Variants in GPATCH1 observed in about 807,000 individuals in gnomAD.
The protein encoded by GPATCH1 is G-patch domain containing 1, also known as G patch domain-containing protein 1.
Under a neutral mutation model 114.9 loss-of-function variants are expected in GPATCH1, and 73 were observed. That is an observed-to-expected ratio of 0.64 (90% CI 0.53 to 0.77). GPATCH1 has a LOEUF of 0.77. Among genes scored for constraint, GPATCH1 ranks in the 30% least tolerant of loss-of-function variants. The pLI, the probability that GPATCH1 is intolerant of heterozygous loss-of-function variation, is 0.00. For missense variants in GPATCH1, 1,058 were observed against 1,144.3 expected (o/e 0.92, Z 1.09); for synonymous variants, 391 against 428.4 (o/e 0.91, Z 1.08).
chr19:33,118,805 G>A (rs1440470494), intron 16 of GPATCH1, among the ~76,000 whole-genome samples: 2 of 152,194 alleles, frequency 1.3e-5, no homozygotes, highest in African/African-American at 4.8e-5. Flanking sequence ...TTGGTTGCAG[G>A]TGCCCTCGTG....
intron 1 of GPATCH1, among the ~76,000 whole-genome samples, chr19:33,083,380 C>T (rs1052583761): frequency 6.6e-6 from 1 of 151,200 alleles, no homozygotes; most frequent in Admixed American, 6.6e-5. Flanking sequence ...CTACGCCTGG[C>T]CCCAACCATG....
chr19:33,083,538 G>A (rs1972503381), intron 1 of GPATCH1, among the ~76,000 whole-genome samples: 1 of 151,518 alleles, frequency 6.6e-6, no homozygotes. Flanking sequence ...GGGATTATAG[G>A]TACATTCCAC....
intron 19 of GPATCH1, among the ~76,000 whole-genome samples, 199 bp downstream of exon 19, chr19:33,126,932 C>T (rs940262616): frequency 4.0e-5 from 6 of 151,832 alleles, no homozygotes; most frequent in African/African-American, 1.2e-4. Flanking sequence ...GCCTGGGCAA[C>T]ATAGTGAGAC....
chr19:33,116,606 T>C (rs1374544965), intron 15 of GPATCH1, among the ~76,000 whole-genome samples: 2 of 152,196 alleles, frequency 1.3e-5, no homozygotes. Flanking sequence ...CTCAGCTCAC[T>C]GCAAGCTCCA....
intron 15 of GPATCH1, among the ~76,000 whole-genome samples, chr19:33,114,797 C>CTTTTTTTTT (rs546074419): frequency 8.0e-5 from 7 of 87,202 alleles, no homozygotes; most frequent in South Asian, 4.5e-4. Context: ...CTATTTCTCT[C>CTTTTTTTTT]TTTTTTTTTT....
At chr19:33,090,688 G>A in intron 2 of GPATCH1, 92 bp from the exon 3 acceptor site, 1 of 746,438 alleles carries the variant, frequency 1.3e-6, no homozygotes. Context: ...ATAGTTATTG[G>A]GAATTTCAAG....
Position 33,112,448 on chromosome 19 carries a change from C to T in GPATCH1, c.1765-38C>T, listed in dbSNP as rs781681929. On this transcript the variant is annotated intron_variant, in intron 12 of 19. Transcript: ENST00000170564. ...TGGGAGAGCAGTCAGGTCAGTGGTGCGGCCACTTGATGGAACAGAATGCAT... is the reference window on the plus strand; with the variant it reads ...TGGGAGAGCAGTCAGGTCAGTGGTGTGGCCACTTGATGGAACAGAATGCAT... 1.5e-5 allele frequency: 24 copies of T among 1,609,824 alleles called. No homozygotes were observed. In the African/African-American group the frequency reaches 1.7e-4, roughly 12 times the overall value.
intron 8 of GPATCH1, among the ~76,000 whole-genome samples, chr19:33,101,105 C>T (rs143216872): frequency 1.2e-4 from 18 of 152,324 alleles, no homozygotes; most frequent in South Asian, 2.1e-4. Context: ...TTACACATGA[C>T]GCTCTCACAG....
Position 33,104,431 on chromosome 19 carries a change from TGTG to T in GPATCH1, c.1081-2258_1081-2256del, listed in dbSNP as rs1332422904. Among the ~76,000 whole-genome samples, 3 of 152,128 alleles carry T rather than the reference TGTG, an allele frequency of 2.0e-5. No homozygotes were observed. The East Asian group carries it at 5.8e-4, about 29-fold the overall frequency. ...TCTGCCATGTTCCTCTGGGTTTTTG[TGTG>T]GTGGTAACATGAGAGTGTTTTCTGG... On this transcript the variant is annotated intron_variant, in intron 9 of 19. Coordinates refer to ENST00000170564, the MANE Select transcript of GPATCH1 (RefSeq NM_018025.3).
Position 33,096,363 on chromosome 19 carries a change from C to A in GPATCH1, c.769C>A (p.Leu257Ile), listed in dbSNP as rs1972659559. The A allele has an allele frequency of 1.2e-6, 2 of 1,614,028 alleles. No individual in the cohort carries two copies. Among genetic ancestry groups the A allele is most frequent in the East Asian group, 4.5e-5 (2 of 44,878 alleles). ...TGGAACTTCGGGAGAACATTTTAAT[C>A]TTTTCAGTGGTGGTTCTGAGAGAGC... ...LFGTSGEHFN[L>I]FSGGSERAGD... Residue 257 changes from leucine to isoleucine, a missense_variant, in exon 7 of 20, where the codon CTT becomes ATT. Coordinates refer to ENST00000170564, the MANE Select transcript of GPATCH1 (RefSeq NM_018025.3).
intron 1 of GPATCH1, among the ~76,000 whole-genome samples, chr19:33,082,661 T>C (rs992745746): frequency 2.0e-5 from 3 of 151,916 alleles, no homozygotes; most frequent in African/African-American, 7.3e-5. Context: ...CTGGGCATTG[T>C]AGTGAGACTC....
chr19:33,112,364 A>G lies in GPATCH1; in HGVS notation c.1765-122A>G. 2.8e-6 allele frequency: 3 copies of G among 1,064,690 alleles called. No individual in the cohort carries two copies. In the East Asian group the frequency reaches 7.2e-5, roughly 25 times the overall value. 66.0% of individuals were successfully genotyped at this position (1,064,690 alleles called of 1,614,324 possible). A position where few individuals can be genotyped will look rare whatever the true frequency, so the allele number is the denominator to read the frequency against. On this transcript the variant is annotated intron_variant, in intron 12 of 19. Coordinates refer to ENST00000170564, the MANE Select transcript of GPATCH1 (RefSeq NM_018025.3). ...GCCTTAGTTTCCAATGTACTGGAGC[A>G]TAAATGTTATAGCACAAACTTTTTT...
At chr19:33,129,061 C>T (rs1973074261) in intron 19 of GPATCH1, among the ~76,000 whole-genome samples, 1 of 151,786 alleles carries the variant, frequency 6.6e-6, no homozygotes, top group Non-Finnish European at 1.5e-5. Flanking sequence ...TCCTGGTTAA[C>T]ACAATGAAAC....
chr19:33,081,598 G>A (rs868819333), intron 1 of GPATCH1, among the ~76,000 whole-genome samples: 28 of 152,242 alleles, frequency 1.8e-4, no homozygotes, highest in Admixed American at 3.3e-4. Flanking sequence ...TGAAACCGAG[G>A]AAGAAAACAA....
chr19:33,127,447 C>T (rs1361905041), intron 19 of GPATCH1, among the ~76,000 whole-genome samples: 2 of 147,752 alleles, frequency 1.4e-5, no homozygotes, highest in Non-Finnish European at 3.0e-5. Flanking sequence ...ACCTGGGAGG[C>T]GGAGCTTGCA....
chr19:33,123,861 C>CA (rs1973011718), intron 17 of GPATCH1, among the ~76,000 whole-genome samples: 1 of 147,132 alleles, frequency 6.8e-6, no homozygotes. Flanking sequence ...TTCTTTTTTT[C>CA]TTTTTTTTCT....
chr19:33,093,947 G>A (rs1196454167), intron 4 of GPATCH1, among the ~76,000 whole-genome samples: 1 of 152,084 alleles, frequency 6.6e-6, no homozygotes, highest in African/African-American at 2.4e-5. Context: ...CCATCGTAAA[G>A]GCCCAGGAGA....
At chr19:33,118,777 C>T (rs1469698294) in intron 16 of GPATCH1, among the ~76,000 whole-genome samples, 2 of 152,200 alleles carry the variant, frequency 1.3e-5, no homozygotes, top group African/African-American at 2.4e-5. Flanking sequence ...GCACGCTGTA[C>T]CTCAGCCATT....
intron 14 of GPATCH1, 47 bp from the exon 15 acceptor site, chr19:33,114,206 C>G (rs547391741): frequency 4.6e-6 from 7 of 1,526,782 alleles, no homozygotes; most frequent in Non-Finnish European, 5.4e-6. Context: ...AAGAACTGGC[C>G]TTTTCCTTGC....
Sources: gnomAD v4.1 joint callset for allele counts (sites outside exome capture counted in the v4.1 genomes callset) on GRCh38, gnomAD v4.1.1 for gene constraint, MANE v1.5 for transcripts, NCBI Gene and HGNC (gene_info 2026-07-23, HGNC 2026-07-21) for gene names.